AMBRA1: variants seen among roughly 807,000 people sequenced by gnomAD.
AMBRA1 encodes autophagy and beclin 1 regulator 1.
AMBRA1 carries 47 observed loss-of-function variants against 125.4 expected under a neutral mutation model. The ratio of observed to expected loss-of-function variants is 0.37; its 90% confidence interval spans 0.30 to 0.48. The LOEUF (loss-of-function observed/expected upper bound fraction) is 0.48, where lower values mean the gene tolerates loss of function less well. Among genes scored for constraint, AMBRA1 ranks in the 20% least tolerant of loss-of-function variants. The pLI, the probability that AMBRA1 is intolerant of heterozygous loss-of-function variation, is 0.99. For missense variants in AMBRA1, 1,331 were observed against 1,693.4 expected (o/e 0.79, Z 3.76); for synonymous variants, 626 against 655.5 (o/e 0.95, Z 0.69).
intron 11 of AMBRA1, among the ~76,000 whole-genome samples, chr11:46,476,906 A>C (rs1949836562): frequency 6.6e-6 from 1 of 152,156 alleles, no homozygotes; most frequent in Non-Finnish European, 1.5e-5. Flanking sequence ...CAGGAGTTCG[A>C]AACCAGCCTG....
At chr11:46,399,054 G>A (rs1275107131) in intron 17 of AMBRA1, among the ~76,000 whole-genome samples, 8 of 151,842 alleles carry the variant, frequency 5.3e-5, no homozygotes, top group African/African-American at 9.7e-5. Flanking sequence ...GATTACAGGC[G>A]TGAGCCACCA....
intron 1 of AMBRA1, among the ~76,000 whole-genome samples, chr11:46,587,595 G>A (rs954585730): frequency 6.6e-6 from 1 of 152,084 alleles, no homozygotes; most frequent in Admixed American, 6.6e-5. Context: ...ACTTTTCAAG[G>A]GGATTAAGGA....
At chr11:46,467,606 T>C (rs1949385932) in intron 11 of AMBRA1, among the ~76,000 whole-genome samples, 2 of 151,188 alleles carry the variant, frequency 1.3e-5, no homozygotes. Flanking sequence ...TAGAGTGCAC[T>C]GGCACGATCT....
chr11:46,494,307 G>A (rs1950559876), intron 9 of AMBRA1, 103 bp from the exon 10 acceptor site: 1 of 927,892 alleles, frequency 1.1e-6, no homozygotes, highest in Admixed American at 2.2e-5. Context: ...ACACTTAGGA[G>A]AGGACCCCAC....
rs763741733 is a variant in AMBRA1 at position 46,397,488 on chromosome 11, C to A, written c.3859G>T (p.Asp1287Tyr). The change falls in exon 18 of 18, where the codon GAC (aspartate) becomes TAC (tyrosine). Residue 1287 changes from aspartate to tyrosine, a missense_variant. By Grantham distance (160) the Asp-to-Tyr change is radical (BLOSUM62 -3). This residue lies in a region of AMBRA1 where 144 missense variants were observed against 133.9 expected (regional missense o/e 1.08). Transcript: ENST00000683756. ...HLLDGGSSRG[D>Y]AAGPRGEPRN... The stretch of plus-strand genomic sequence containing the variant: ...GGTTCTCCCCTAGGGCCTGCAGCGT[C>A]CCCCCTGCTGCTGCCACCATCCAGA... 1.1e-5 allele frequency: 16 copies of A among 1,521,658 alleles called. No individual in the cohort carries two copies. The highest frequency in any genetic ancestry group is 1.4e-5 in the Non-Finnish European group (16 of 1,133,562). The allele number at this position is 1,521,658 out of a possible 1,614,324, so 94.3% of individuals were successfully genotyped here. A position where few individuals can be genotyped will look rare whatever the true frequency, so the allele number is the denominator to read the frequency against.
rs557218260 is a variant in AMBRA1, at chr11:46,547,503, C to T, written c.195-207G>A. On this transcript the variant is annotated intron_variant, in intron 3 of 17. Coordinates refer to ENST00000683756, the MANE Select transcript of AMBRA1 (RefSeq NM_001387011.1). ...TTGTCCACACTGTCCCCAAATGACA[C>T]ATGCCACATTCGGAAAATATTTTTT... 1.8e-4 allele frequency: 102 copies of T among 569,440 alleles called. 1 individual carries two copies. Among genetic ancestry groups the T allele is most frequent in the Middle Eastern group, 1.4e-3 (3 of 2,186 alleles). 35.3% of individuals were successfully genotyped at this position (569,440 alleles called of 1,614,324 possible).
intron 9 of AMBRA1, among the ~76,000 whole-genome samples, chr11:46,503,910 G>A (rs748930981): frequency 1.6e-4 from 24 of 152,130 alleles, no homozygotes; most frequent in Non-Finnish European, 3.1e-4. Context: ...TGTTGCCCAG[G>A]CTGGTCTCGA....
At chr11:46,416,516 C>A (rs1054972774) in intron 15 of AMBRA1, among the ~76,000 whole-genome samples, 3 of 152,182 alleles carry the variant, frequency 2.0e-5, no homozygotes, top group Non-Finnish European at 2.9e-5. Flanking sequence ...CCCTAAGAAC[C>A]AGTTTTCCTT....
At chr11:46,545,539 C>T (rs1467239688) in intron 5 of AMBRA1, 65 bp downstream of exon 5, 1 of 1,545,672 alleles carries the variant, frequency 6.5e-7, no homozygotes, top group African/African-American at 1.4e-5. Context: ...AAGGTGACAG[C>T]CAGTAGAATG....
intron 7 of AMBRA1, 113 bp downstream of exon 7, chr11:46,541,832 G>A: frequency 1.4e-6 from 2 of 1,380,444 alleles, no homozygotes; most frequent in Non-Finnish European, 2.0e-6. Flanking sequence ...GAGATCAGAA[G>A]CAGATGCGTG....
chr11:46,435,942 T>C (rs1392389345), intron 12 of AMBRA1, among the ~76,000 whole-genome samples: 4 of 152,216 alleles, frequency 2.6e-5, no homozygotes, highest in Admixed American at 2.0e-4. Context: ...CAGGAAGAAG[T>C]GGCTTACCCT....
intron 9 of AMBRA1, among the ~76,000 whole-genome samples, chr11:46,498,218 T>C (rs1322173065): frequency 3.3e-5 from 5 of 152,134 alleles, no homozygotes; most frequent in African/African-American, 1.2e-4. Context: ...TCTAACAACA[T>C]AGCCAACACC....
intron 7 of AMBRA1, among the ~76,000 whole-genome samples, chr11:46,530,339 C>G (rs1952159641): frequency 6.6e-6 from 1 of 152,178 alleles, no homozygotes. Flanking sequence ...TAATTTAGAT[C>G]AGCCTAGTAG....
intron 9 of AMBRA1, among the ~76,000 whole-genome samples, chr11:46,505,595 C>A (rs1016105818): frequency 6.6e-6 from 1 of 151,538 alleles, no homozygotes; most frequent in South Asian, 2.1e-4. Context: ...AATATAAGAC[C>A]CCCTGAGAAA....
At chr11:46,573,314 G>A (rs2043832841) in intron 1 of AMBRA1, among the ~76,000 whole-genome samples, 1 of 151,644 alleles carries the variant, frequency 6.6e-6, no homozygotes, top group Admixed American at 6.6e-5. Context: ...CTGAGGCAGA[G>A]AATCGCTGGA....
rs746869795 is a variant in AMBRA1, at chr11:46,418,021, G to A, written c.3008C>T (p.Ala1003Val). 4 of 1,605,630 alleles carry A rather than the reference G, an allele frequency of 2.5e-6. No individual in the cohort carries two copies. Among genetic ancestry groups the A allele is most frequent in the Admixed American group, 1.7e-5 (1 of 59,736 alleles). The change falls in exon 15 of 18, where the codon GCC (alanine) becomes GTC (valine). Residue 1003 changes from alanine (A) to valine (V), a missense_variant. Coordinates refer to ENST00000683756, the MANE Select transcript of AMBRA1 (RefSeq NM_001387011.1). ...RVFNVLYPMP[A>V]DQRRHVSINS... ...GATACTGACATGTCTCCGCTGGTCG[G>A]CAGGCATGGGATAAAGGACGTTGAA... is the stretch of plus-strand genomic sequence containing the variant.
chr11:46,440,361 A>G lies in AMBRA1; in HGVS notation c.2632+3127T>C, dbSNP rs561579014. Among the ~76,000 whole-genome samples the G allele has an allele frequency of 1.5e-3, 225 of 152,372 alleles. 1 individual carries two copies. Among genetic ancestry groups the G allele is most frequent in the African/African-American group, 5.2e-3 (217 of 41,594 alleles). On this transcript the variant is annotated intron_variant, in intron 12 of 17. Transcript: ENST00000683756. ...TACAGCATGCTACCATTTGGGTTAA[A>G]TAAAAGGCAGAAAAACATAAATTTG...
chr11:46,463,137 TTC>T (rs1450394247), intron 11 of AMBRA1, among the ~76,000 whole-genome samples: 2 of 152,220 alleles, frequency 1.3e-5, no homozygotes, highest in Non-Finnish European at 2.9e-5. Flanking sequence ...GGCACTTTGT[TTC>T]TCTCTTATTC....
intron 1 of AMBRA1, among the ~76,000 whole-genome samples, chr11:46,579,045 T>TAAAAAAA (rs11393945): frequency 1.4e-3 from 95 of 67,946 alleles, no homozygotes; most frequent in African/African-American, 3.5e-3. Flanking sequence ...AAGAAAGCAA[T>TAAAAAAA]AAAAAAAAAA....
Sources: allele counts gnomAD v4.1 joint callset (sites outside exome capture counted in the v4.1 genomes callset), GRCh38; gene constraint gnomAD v4.1.1; regional missense constraint gnomAD v4.1.1; transcripts MANE v1.5; gene names NCBI Gene and HGNC (gene_info 2026-07-23, HGNC 2026-07-21).